TRAPPC8: variants seen among roughly 807,000 people sequenced by gnomAD.
TRAPPC8 encodes the protein general sporulation gene 1 homolog.
Under a neutral mutation model 174.3 loss-of-function variants are expected in TRAPPC8, and 54 were observed. The ratio of observed to expected loss-of-function variants is 0.31; its 90% confidence interval spans 0.25 to 0.39. The LOEUF (loss-of-function observed/expected upper bound fraction) is 0.39, where lower values mean the gene tolerates loss of function less well. TRAPPC8 is among the 10% of genes least tolerant of loss of function. TRAPPC8 has a pLI of 1.00. For missense variants in TRAPPC8, 1,531 were observed against 1,699.1 expected, an observed-to-expected ratio of 0.90 and a Z score of 1.74; for synonymous variants, 630 against 579.9, an observed-to-expected ratio of 1.09 and a Z score of -1.24.
chr18:31,907,276 C>A (rs983650782), intron 9 of TRAPPC8, among the ~76,000 whole-genome samples, 184 bp downstream of exon 9: 1 of 152,134 alleles, frequency 6.6e-6, no homozygotes, highest in African/African-American at 2.4e-5. Flanking sequence ...TGCCACCATA[C>A]CCAGCTAATC....
chr18:31,861,272 G>T (rs1254212841), intron 19 of TRAPPC8, among the ~76,000 whole-genome samples: 1 of 152,108 alleles, frequency 6.6e-6, no homozygotes. Context: ...TGTAGAATAA[G>T]AGGCCCTCTG....
chr18:31,920,402 TCTC>T (rs1037392357), intron 2 of TRAPPC8, among the ~76,000 whole-genome samples: 3 of 152,148 alleles, frequency 2.0e-5, no homozygotes, highest in African/African-American at 7.2e-5. Context: ...ACAACAGATG[TCTC>T]ATGAGAATGA....
At chr18:31,920,139 A>G (rs1217150540) in intron 2 of TRAPPC8, among the ~76,000 whole-genome samples, 2 of 152,204 alleles carry the variant, frequency 1.3e-5, no homozygotes, top group African/African-American at 4.8e-5. Flanking sequence ...ATACAAGGAA[A>G]TTACTATCTC....
chr18:31,930,286 A>G (rs1340148085), intron 2 of TRAPPC8, among the ~76,000 whole-genome samples: 1 of 151,680 alleles, frequency 6.6e-6, no homozygotes. Context: ...CACCCAGCTA[A>G]TTTTTGTATT....
At chr18:31,904,710 G>A (rs1210459227) in intron 9 of TRAPPC8, among the ~76,000 whole-genome samples, 2 of 152,106 alleles carry the variant, frequency 1.3e-5, no homozygotes, top group African/African-American at 4.8e-5. Context: ...TAATATCCAT[G>A]TGACAAAATA....
Position 31,891,543 on chromosome 18 carries a change from C to T in TRAPPC8, c.1597-677G>A, listed in dbSNP as rs74856488. Among the ~76,000 whole-genome samples the T allele has an allele frequency of 2.1e-3, 322 of 152,294 alleles. 6 individuals are homozygous for T. Among genetic ancestry groups the T allele is most frequent in the African/African-American group, 7.3e-3 (302 of 41,572 alleles). On this transcript the variant is annotated intron_variant, in intron 11 of 28. Transcript: ENST00000283351. ...AGTACAGCATCTACAAAACCACATACTACATTACGTCACTGCCCTTAAGAC... is the reference window on the plus strand; with the variant it reads ...AGTACAGCATCTACAAAACCACATATTACATTACGTCACTGCCCTTAAGAC...
chr18:31,911,756 C>CAA (rs71177805), intron 5 of TRAPPC8, among the ~76,000 whole-genome samples: 767 of 62,946 alleles, frequency 0.012, 76 homozygotes, highest in African/African-American at 0.049. Context: ...GACTCCGTCT[C>CAA]AAAAAAAAAA....
intron 2 of TRAPPC8, among the ~76,000 whole-genome samples, chr18:31,926,877 GAC>G (rs2037637760): frequency 1.3e-5 from 2 of 152,168 alleles, no homozygotes; most frequent in Admixed American, 1.3e-4. Context: ...GGAAAGGATA[GAC>G]AGTAATTAAG....
intron 2 of TRAPPC8, among the ~76,000 whole-genome samples, chr18:31,919,591 AAATAAT>A (rs10580262): frequency 4.0e-4 from 26 of 65,036 alleles, no homozygotes; most frequent in Admixed American, 2.6e-3. Context: ...TAAATAAATA[AAATAAT>A]AATAATCCTA....
intron 19 of TRAPPC8, among the ~76,000 whole-genome samples, chr18:31,860,337 A>G (rs1383926591): frequency 6.6e-6 from 1 of 152,104 alleles, no homozygotes; most frequent in Non-Finnish European, 1.5e-5. Context: ...GCTTCTCTAC[A>G]TGTTAAAATT....
chr18:31,859,115 CA>C (rs986150038), intron 19 of TRAPPC8, among the ~76,000 whole-genome samples: 1 of 134,752 alleles, frequency 7.4e-6, no homozygotes, highest in Non-Finnish European at 1.6e-5. Context: ...AACAAACAAA[CA>C]AAAAAACAGA....
At chr18:31,901,206 G>A (rs891456707) in intron 9 of TRAPPC8, among the ~76,000 whole-genome samples, 181 bp from the exon 10 acceptor site, 1 of 152,134 alleles carries the variant, frequency 6.6e-6, no homozygotes, top group Non-Finnish European at 1.5e-5. Flanking sequence ...CTTCAGAGAA[G>A]ATGGGTGATC....
intron 1 of TRAPPC8, among the ~76,000 whole-genome samples, chr18:31,935,233 AC>A (rs1244642399): frequency 3.3e-5 from 5 of 151,710 alleles, no homozygotes; most frequent in African/African-American, 4.8e-5. Flanking sequence ...AATCCCAGCT[AC>A]CAGGGAGGCT....
chr18:31,872,193 A>G (rs537891395), intron 14 of TRAPPC8, among the ~76,000 whole-genome samples: 119 of 152,296 alleles, frequency 7.8e-4, no homozygotes, highest in African/African-American at 2.6e-3. Context: ...CGATGGGAGC[A>G]TGTAGTATTT....
intron 12 of TRAPPC8, among the ~76,000 whole-genome samples, chr18:31,885,713 A>T (rs1401833676): frequency 6.6e-6 from 1 of 151,778 alleles, no homozygotes; most frequent in African/African-American, 2.4e-5. Context: ...ACAAAAAAAA[A>T]TTAGCCAGGC....
At chr18:31,880,379 TAAAGAG>T (rs995915879) in intron 12 of TRAPPC8, among the ~76,000 whole-genome samples, 38 of 151,736 alleles carry the variant, frequency 2.5e-4, no homozygotes, top group Middle Eastern at 3.4e-3. Flanking sequence ...ACTCACCACA[TAAAGAG>T]AATTAAAAAC....
At chr18:31,926,413 TGAA>T (rs1468961169) in intron 2 of TRAPPC8, 1 of 152,014 alleles carries the variant, frequency 6.6e-6, no homozygotes, top group Non-Finnish European at 1.5e-5. Context: ...AAAATACAGT[TGAA>T]GAAGTCTGAG....
intron 27 of TRAPPC8, among the ~76,000 whole-genome samples, chr18:31,837,102 C>T (rs1598581340): frequency 6.6e-6 from 1 of 152,118 alleles, no homozygotes; most frequent in Non-Finnish European, 1.5e-5. Flanking sequence ...GTGAACCCTG[C>T]ATACATCTGT....
rs182578698 is a variant in TRAPPC8, at chr18:31,884,925, C to T, written c.1728+5810G>A. Among the ~76,000 whole-genome samples, 121 of 151,228 alleles carry T rather than the reference C, an allele frequency of 8.0e-4. 1 individual carries two copies. Among genetic ancestry groups the T allele is most frequent in the African/African-American group, 2.9e-3 (119 of 41,138 alleles). On this transcript the variant is annotated intron_variant, in intron 12 of 28. Transcript: ENST00000283351. Reference sequence around the variant, plus strand: ...CTGGAGTGCAGTGGCGCGATATCAGCTCACTGCAAGCTCCGCCTCCCAGGT... The same window carrying T: ...CTGGAGTGCAGTGGCGCGATATCAGTTCACTGCAAGCTCCGCCTCCCAGGT...
Sources: allele counts gnomAD v4.1 joint callset (sites outside exome capture counted in the v4.1 genomes callset), GRCh38; gene constraint gnomAD v4.1.1; transcripts MANE v1.5; gene names NCBI Gene and HGNC (gene_info 2026-07-23, HGNC 2026-07-21).